Variants in TYW1 observed in about 807,000 individuals in gnomAD.
TYW1 encodes S-adenosyl-L-methionine-dependent tRNA 4-demethylwyosine synthase TYW1.
A neutral mutation model predicts 96.2 loss-of-function variants in TYW1; 46 were observed. That is an observed-to-expected ratio of 0.48 (90% CI 0.38 to 0.61). The LOEUF (loss-of-function observed/expected upper bound fraction) is 0.61, where lower values mean the gene tolerates loss of function less well. Ranked by LOEUF, TYW1 falls within the 20% of genes least tolerant of loss-of-function variation. The pLI, the probability that TYW1 is intolerant of heterozygous loss-of-function variation, is 0.00. For missense variants in TYW1, 684 were observed against 909.6 expected (o/e 0.75, Z 3.19); for synonymous variants, 274 against 323.0 (o/e 0.85, Z 1.63).
intron 13 of TYW1, among the ~76,000 whole-genome samples, chr7:67,124,508 G>A (rs1451217445): frequency 6.6e-6 from 1 of 152,058 alleles, no homozygotes; most frequent in Admixed American, 6.6e-5. Flanking sequence ...TGGAATTACA[G>A]GCATGAGCCA....
At chr7:67,111,160 G>C (rs898257454) in intron 12 of TYW1, among the ~76,000 whole-genome samples, 1 of 151,942 alleles carries the variant, frequency 6.6e-6, no homozygotes, top group African/African-American at 2.4e-5. Context: ...ATTTGACATT[G>C]GCTATTTTAA....
chr7:67,049,803 T>G, intron 7 of TYW1, 146 bp from the exon 8 acceptor site: 1 of 913,358 alleles, frequency 1.1e-6, no homozygotes, highest in South Asian at 1.8e-5. Flanking sequence ...TGCCCTGGCC[T>G]CCTAAAATGC....
intron 12 of TYW1, among the ~76,000 whole-genome samples, chr7:67,113,641 CTTTCTTTTTT>C (rs1797497841): frequency 7.1e-6 from 1 of 140,664 alleles, no homozygotes; most frequent in South Asian, 2.3e-4. Context: ...TTTTCTTTTT[CTTTCTTTTTT>C]TTTTTGATGT....
At chr7:67,128,727 G>T (rs1209082805) in intron 13 of TYW1, among the ~76,000 whole-genome samples, 1 of 137,906 alleles carries the variant, frequency 7.3e-6, no homozygotes, top group Non-Finnish European at 1.5e-5. Context: ...GTCTTGCTCT[G>T]TCACAGGCTG....
At chr7:67,108,068 G>C (rs780238726) in intron 12 of TYW1, among the ~76,000 whole-genome samples, 1 of 151,838 alleles carries the variant, frequency 6.6e-6, no homozygotes, top group Admixed American at 6.6e-5. Context: ...GTAGAGACAG[G>C]GTTTCACCAT....
At chr7:67,037,085 G>C (rs1381935957) in intron 7 of TYW1, among the ~76,000 whole-genome samples, 1 of 152,168 alleles carries the variant, frequency 6.6e-6, no homozygotes, top group Non-Finnish European at 1.5e-5. Flanking sequence ...CTGTGGTAAG[G>C]CTCAGTCTTG....
chr7:67,058,509 G>C (rs1328630997), intron 9 of TYW1, among the ~76,000 whole-genome samples: 1 of 152,040 alleles, frequency 6.6e-6, no homozygotes, highest in African/African-American at 2.4e-5. Context: ...TTGAGGTAGA[G>C]TCTTGCCCTG....
At chr7:67,052,954 G>A (rs370071608) in intron 8 of TYW1, among the ~76,000 whole-genome samples, 2,011 of 152,012 alleles carry the variant, frequency 0.013, 17 homozygotes, top group Non-Finnish European at 0.016. Flanking sequence ...TGTTAGCCAG[G>A]ATGGTCTCGA....
rs368618506 is a variant in TYW1, at chr7:66,996,932, G to T, written c.-47G>T. On this transcript the variant is annotated 5_prime_UTR_variant, in exon 1 of 16. Coordinates refer to ENST00000359626, the MANE Select transcript of TYW1 (RefSeq NM_018264.4). ...TCTCGCGGTACCAGTGCGAATCATCGGGCTATCCAGGTCCGAGATCCTAGT... is the reference window on the plus strand; with the variant it reads ...TCTCGCGGTACCAGTGCGAATCATCTGGCTATCCAGGTCCGAGATCCTAGT... 9.1e-5 allele frequency: 147 copies of T among 1,613,720 alleles called. No individual in the cohort carries two copies. In the African/African-American group the frequency reaches 1.4e-3, roughly 15 times the overall value.
chr7:67,045,844 C>G (rs537441105), intron 7 of TYW1, among the ~76,000 whole-genome samples: 1 of 151,980 alleles, frequency 6.6e-6, no homozygotes, highest in Admixed American at 6.6e-5. Flanking sequence ...AAATCAAGGC[C>G]GTGGACAAGA....
chr7:67,177,660 G>A lies in TYW1; in HGVS notation c.1699-5466G>A, dbSNP rs551323081. 1.4e-4 allele frequency among the ~76,000 whole-genome samples: 22 copies of A among 152,316 alleles called. No individual in the cohort carries two copies. In the East Asian group the frequency reaches 3.7e-3, roughly 25 times the overall value. On this transcript the variant is annotated intron_variant, in intron 13 of 15. Transcript: ENST00000359626. The stretch of plus-strand genomic sequence containing the variant: ...GATGCAAAGCCAAAACAATGCAAAA[G>A]TGGTGAAAACTAGCAACACTAAGTG...
intron 12 of TYW1, among the ~76,000 whole-genome samples, chr7:67,108,080 T>G (rs1378068283): frequency 6.6e-6 from 1 of 152,118 alleles, no homozygotes; most frequent in South Asian, 2.1e-4. Context: ...TTTCACCATG[T>G]TGGCCAGGCT....
At chr7:67,011,154 C>G (rs1793783381) in intron 4 of TYW1, among the ~76,000 whole-genome samples, 1 of 152,146 alleles carries the variant, frequency 6.6e-6, no homozygotes, top group Non-Finnish European at 1.5e-5. Context: ...TCTCCTACCT[C>G]AGCCTCCTGA....
intron 15 of TYW1, among the ~76,000 whole-genome samples, chr7:67,224,502 T>G (rs892031094): frequency 2.0e-5 from 3 of 152,248 alleles, no homozygotes; most frequent in Non-Finnish European, 4.4e-5. Context: ...CAGCTGTTCC[T>G]GCTGGCACAG....
At position 67,178,408 on chromosome 7, in the gene TYW1, T is replaced by C. The variant is rs188660052; in HGVS notation, c.1699-4718T>C. ...TGAATCTTGCAAACATCGAATTCAG[T>C]GAAAGAAGCCAGACACAAAAGAATG... On this transcript the variant is annotated intron_variant, in intron 13 of 15. Coordinates refer to ENST00000359626, the MANE Select transcript of TYW1 (RefSeq NM_018264.4). 2.0e-5 allele frequency among the ~76,000 whole-genome samples: 3 copies of C among 152,314 alleles called. No individual in the cohort carries two copies. In the East Asian group the frequency reaches 5.8e-4, roughly 29 times the overall value.
chr7:67,183,052 G>A, intron 13 of TYW1, 74 bp from the exon 14 acceptor site: 4 of 1,340,884 alleles, frequency 3.0e-6, no homozygotes, highest in Non-Finnish European at 4.0e-6. Flanking sequence ...GATTGAAAAA[G>A]CTTGAGAAAC....
At chr7:67,001,196 C>T (rs573444247) in intron 3 of TYW1, among the ~76,000 whole-genome samples, 1 of 152,206 alleles carries the variant, frequency 6.6e-6, no homozygotes, top group African/African-American at 2.4e-5. Flanking sequence ...TTAACTATTT[C>T]TATTTTTAGT....
At chr7:67,110,595 G>C (rs1204977591) in intron 12 of TYW1, among the ~76,000 whole-genome samples, 1 of 152,028 alleles carries the variant, frequency 6.6e-6, no homozygotes, top group East Asian at 1.9e-4. Context: ...ACAACAAACA[G>C]CAAAAAAGAA....
At chr7:67,085,583 A>C (rs1341560770) in intron 11 of TYW1, among the ~76,000 whole-genome samples, 1 of 152,222 alleles carries the variant, frequency 6.6e-6, no homozygotes. Context: ...TAGCAGTATG[A>C]AAATGGGCTC....
Sources: gnomAD v4.1 joint callset for allele counts (sites outside exome capture counted in the v4.1 genomes callset) on GRCh38, gnomAD v4.1.1 for gene constraint, MANE v1.5 for transcripts, NCBI Gene and HGNC (gene_info 2026-07-23, HGNC 2026-07-21) for gene names.